The following CAPN13 variants were observed in gnomAD, a reference collection of about 807,000 sequenced individuals.
CAPN13 encodes the protein calpain 13.
In CAPN13, 90 loss-of-function variants were observed where a neutral mutation model predicts 98.4. The ratio of observed to expected loss-of-function variants is 0.92; its 90% CI spans 0.77 to 1.09. The LOEUF (loss-of-function observed/expected upper bound fraction) is 1.09, where lower values mean the gene tolerates loss of function less well. Among genes scored for constraint, CAPN13 ranks in the 50% least tolerant of loss-of-function variants. The pLI, the probability that CAPN13 is intolerant of heterozygous loss-of-function variation, is 0.00. For synonymous variants in CAPN13, 330 were observed against 305.5 expected (o/e 1.08, Z -0.84); for missense variants, 887 against 841.3 (o/e 1.05, Z -0.67).
At chr2:30,764,712 A>G (rs1297970059) in intron 5 of CAPN13, among the ~76,000 whole-genome samples, 2 of 152,126 alleles carry the variant, frequency 1.3e-5, no homozygotes, top group African/African-American at 4.8e-5. Flanking sequence ...AGTCCTGGAT[A>G]TTATTATGTT....
intron 1 of CAPN13, among the ~76,000 whole-genome samples, chr2:30,804,937 A>T (rs1002979129): frequency 1.3e-5 from 2 of 152,228 alleles, no homozygotes; most frequent in African/African-American, 2.4e-5. Flanking sequence ...GATATTAATG[A>T]TAATTCAGTC....
intron 22 of CAPN13, among the ~76,000 whole-genome samples, chr2:30,728,879 G>C (rs986566612): frequency 6.6e-6 from 1 of 152,196 alleles, no homozygotes; most frequent in African/African-American, 2.4e-5. Flanking sequence ...CAGTTAGCAG[G>C]GAGAGTGGGA....
Position 30,787,743 on chromosome 2 carries a change from T to G in CAPN13, c.-32-386A>C, listed in dbSNP as rs184642076. Among the ~76,000 whole-genome samples the G allele has an allele frequency of 1.3e-3, 194 of 152,068 alleles. 3 individuals are homozygous for G. In the Middle Eastern group the frequency reaches 0.024, roughly 19 times the overall value. ...GTTGCATTGGAAAGGTCACGGGGTGTTGGAGGGTTTTGTGGGATGGGGGCA... is the reference window on the plus strand; with the variant it reads ...GTTGCATTGGAAAGGTCACGGGGTGGTGGAGGGTTTTGTGGGATGGGGGCA... On this transcript the variant is annotated intron_variant, in intron 1 of 22. Transcript: ENST00000295055.
chr2:30,744,695 C>A (rs1488257092), intron 12 of CAPN13, among the ~76,000 whole-genome samples: 1 of 152,180 alleles, frequency 6.6e-6, no homozygotes, highest in East Asian at 1.9e-4. Context: ...AACAGACTTG[C>A]TCAGTGGCAG....
Position 30,803,697 on chromosome 2 carries a change from G to A in CAPN13, c.-33+3605C>T, listed in dbSNP as rs371818386. Reference sequence around the variant, plus strand: ...TCATGTTGAACTCACCAGAGAGGGCGGCAGTGGGCAAATCTCCACTTCATA... The same window carrying A: ...TCATGTTGAACTCACCAGAGAGGGCAGCAGTGGGCAAATCTCCACTTCATA... On this transcript the variant is annotated intron_variant, in intron 1 of 22. Coordinates refer to ENST00000295055, the MANE Select transcript of CAPN13 (RefSeq NM_144575.3). 2.9e-3 allele frequency among the ~76,000 whole-genome samples: 445 copies of A among 152,234 alleles called. 4 individuals carry two copies. The highest frequency in any genetic ancestry group is 0.01 in the Middle Eastern group (3 of 294).
intron 2 of CAPN13, among the ~76,000 whole-genome samples, chr2:30,781,829 T>A (rs1673995493): frequency 6.6e-6 from 1 of 152,170 alleles, no homozygotes; most frequent in Admixed American, 6.5e-5. Context: ...AGGATATACA[T>A]CAATATGTTA....
chr2:30,759,027 CTT>C (rs1407423545), intron 7 of CAPN13, among the ~76,000 whole-genome samples: 61 of 61,382 alleles, frequency 9.9e-4, no homozygotes, highest in South Asian at 1.5e-3. Context: ...CCTATTCTTC[CTT>C]CCCTCCCTCC....
intron 22 of CAPN13, among the ~76,000 whole-genome samples, chr2:30,726,638 C>A (rs1670866723): frequency 6.6e-6 from 1 of 151,826 alleles, no homozygotes; most frequent in African/African-American, 2.4e-5. Context: ...TCCCAAACTA[C>A]AATAGTTAGG....
intron 1 of CAPN13, among the ~76,000 whole-genome samples, chr2:30,788,106 A>G (rs1020268065): frequency 1.1e-4 from 16 of 152,160 alleles, no homozygotes; most frequent in Admixed American, 5.9e-4. Context: ...AAAAAAAGAA[A>G]ACGAAGAAAA....
rs143021522 is a variant in CAPN13, at chr2:30,732,833, C to T, written c.1799-267G>A. Among the ~76,000 whole-genome samples, 919 of 152,296 alleles carry T rather than the reference C, an allele frequency of 6.0e-3. 11 individuals carry two copies. The highest frequency in any genetic ancestry group is 0.029 in the South Asian group (139 of 4,824). ...CTTCACAATCATCTGATCATTCCCA[C>T]GTAATGGGAGAGCTGCTGGGACACC... On this transcript the variant is annotated intron_variant, in intron 19 of 22. Coordinates refer to ENST00000295055, the MANE Select transcript of CAPN13 (RefSeq NM_144575.3).
intron 2 of CAPN13, among the ~76,000 whole-genome samples, chr2:30,779,599 T>C (rs1357742952): frequency 2.0e-5 from 3 of 152,164 alleles, no homozygotes; most frequent in African/African-American, 7.2e-5. Context: ...TCTTTTGAAA[T>C]ATTTGCAAAA....
In CAPN13 at chr2:30,738,436, G is replaced by GGGT; in HGVS notation, c.1555_1557dup (p.Thr519dup). ...TCCTGGTTGAGAAGGCCCTGAAGCT[G>GGGT]GGTGGCATCAATGTCCAGCCTCTGA... On this transcript the variant is annotated inframe_insertion, in exon 16 of 23. Transcript: ENST00000295055. The GGGT allele has an allele frequency of 6.2e-7, 1 of 1,606,286 alleles. No individual in the cohort carries two copies. The highest frequency in any genetic ancestry group is 8.5e-7 in the Non-Finnish European group (1 of 1,176,176).
chr2:30,783,835 G>A (rs115943720), intron 2 of CAPN13, among the ~76,000 whole-genome samples: 312 of 152,324 alleles, frequency 2.0e-3, no homozygotes, highest in South Asian at 0.02. Flanking sequence ...CTCTGGACAG[G>A]CACTCAGCAA....
chr2:30,792,168 A>G (rs1674637387), intron 1 of CAPN13, among the ~76,000 whole-genome samples: 2 of 152,202 alleles, frequency 1.3e-5, no homozygotes, highest in South Asian at 2.1e-4. Flanking sequence ...AAGGACATAA[A>G]TAAGAAAGAC....
chr2:30,790,239 G>C (rs1674530774), intron 1 of CAPN13, among the ~76,000 whole-genome samples: 1 of 152,208 alleles, frequency 6.6e-6, no homozygotes, highest in African/African-American at 2.4e-5. Flanking sequence ...ACTTTTGGGA[G>C]GGCTTTCTGC....
chr2:30,741,238 A>C (rs545504100), intron 15 of CAPN13: 9 of 327,510 alleles, frequency 2.7e-5, no homozygotes, highest in African/African-American at 2.0e-4. Context: ...CTTCTGGGTG[A>C]CTACTACCCC....
intron 5 of CAPN13, among the ~76,000 whole-genome samples, chr2:30,768,443 G>A (rs1054207468): frequency 3.3e-5 from 5 of 152,112 alleles, no homozygotes; most frequent in African/African-American, 9.7e-5. Flanking sequence ...GGAGGAGCGG[G>A]CCAGCTACAG....
intron 19 of CAPN13, among the ~76,000 whole-genome samples, chr2:30,733,588 C>T (rs912551055): frequency 1.3e-5 from 2 of 152,038 alleles, no homozygotes; most frequent in African/African-American, 2.4e-5. Context: ...CACCCACACC[C>T]CCTGATCAGA....
rs192829232 is a variant in CAPN13 at position 30,753,486 on chromosome 2, C to T, written c.942-288G>A. Among the ~76,000 whole-genome samples the T allele has an allele frequency of 3.7e-3, 569 of 152,324 alleles. 3 individuals are homozygous for T. The highest frequency in any genetic ancestry group is 6.3e-3 in the Non-Finnish European group (427 of 68,026). ...ATCCGATGGTGAGCCCTTTCATGAT[C>T]AGTGGGACGACGGCCAGTCTCTCTC... On this transcript the variant is annotated intron_variant, in intron 9 of 22. Coordinates refer to ENST00000295055, the MANE Select transcript of CAPN13 (RefSeq NM_144575.3).
Sources: gnomAD v4.1 joint callset for allele counts (sites outside exome capture counted in the v4.1 genomes callset) on GRCh38, gnomAD v4.1.1 for gene constraint, MANE v1.5 for transcripts, NCBI Gene and HGNC (gene_info 2026-07-23, HGNC 2026-07-21) for gene names.